Variants in GARNL3 observed in about 807,000 individuals in gnomAD.
The protein encoded by GARNL3 is GTPase-activating Rap/Ran-GAP domain-like protein 3.
A neutral mutation model predicts 125.0 loss-of-function variants in GARNL3; 63 were observed. The observed-to-expected ratio is 0.50, with a 90% CI of 0.41 to 0.62. GARNL3 has a LOEUF of 0.62. GARNL3 is among the 20% of genes least tolerant of loss of function. GARNL3 has a pLI of 0.00. For missense variants in GARNL3, 994 were observed against 1,244.0 expected (o/e 0.80, Z 3.02); for synonymous variants, 439 against 457.5 (o/e 0.96, Z 0.52).
intron 1 of GARNL3, among the ~76,000 whole-genome samples, chr9:127,265,233 T>C (rs1206185229): frequency 3.9e-5 from 6 of 152,240 alleles, no homozygotes; most frequent in Admixed American, 2.0e-4. Context: ...AATCTTGTCT[T>C]CCAGTTTGTT....
chr9:127,229,490 T>G (rs2062966359), intron 1 of GARNL3, among the ~76,000 whole-genome samples: 1 of 152,196 alleles, frequency 6.6e-6, no homozygotes, highest in Non-Finnish European at 1.5e-5. Context: ...TATATCCATT[T>G]TATGTATTTA....
At chr9:127,376,348 AG>A (rs1425923937) in intron 22 of GARNL3, among the ~76,000 whole-genome samples, 1 of 151,904 alleles carries the variant, frequency 6.6e-6, no homozygotes, top group African/African-American at 2.4e-5. Flanking sequence ...CTTCCCGAGT[AG>A]CTGGGACTAC....
At chr9:127,228,832 G>C (rs1489668109) in intron 1 of GARNL3, among the ~76,000 whole-genome samples, 1 of 151,966 alleles carries the variant, frequency 6.6e-6, no homozygotes, top group African/African-American at 2.4e-5. Flanking sequence ...TTGTTTGTTT[G>C]TTTGTTTTTG....
At chr9:127,386,585 C>T (rs913989492) in intron 24 of GARNL3, among the ~76,000 whole-genome samples, 1 of 152,216 alleles carries the variant, frequency 6.6e-6, no homozygotes, top group Admixed American at 6.5e-5. Flanking sequence ...ATAGTAAGCA[C>T]AGTCAAATAA....
intron 1 of GARNL3, among the ~76,000 whole-genome samples, chr9:127,237,001 C>A (rs1452402434): frequency 6.6e-6 from 1 of 152,178 alleles, no homozygotes; most frequent in East Asian, 1.9e-4. Flanking sequence ...AGTTAGTAAT[C>A]TGTTGCAGAC....
intron 2 of GARNL3, among the ~76,000 whole-genome samples, chr9:127,244,103 C>T (rs1395729394): frequency 6.6e-6 from 1 of 152,206 alleles, no homozygotes. Context: ...ATGCCTGAGA[C>T]CTGCCCCTTG....
At chr9:127,318,596 G>A (rs753681185) in intron 5 of GARNL3, among the ~76,000 whole-genome samples, 4 of 151,896 alleles carry the variant, frequency 2.6e-5, no homozygotes, top group Admixed American at 6.6e-5. Context: ...CTTATTCTTC[G>A]CCAGACAGAA....
intron 21 of GARNL3, chr9:127,365,096 T>C (rs1831211717): frequency 3.9e-6 from 2 of 507,860 alleles, no homozygotes; most frequent in South Asian, 6.6e-5. Context: ...TTCTTTCTTT[T>C]TTTTCTTTTC....
rs141092281 is a variant in GARNL3, at chr9:127,333,093, G to A, written c.741G>A (p.Thr247=). Residue 247 remains threonine, a synonymous_variant, in exon 9 of 28, where the codon ACG becomes ACA. Transcript: ENST00000373387. ...ACACAATCACTCTAAAGGGCTGGACGGGCTACCGTGGCGGTCTGGATACCA... is the reference window on the plus strand; with the variant it reads ...ACACAATCACTCTAAAGGGCTGGACAGGCTACCGTGGCGGTCTGGATACCA... ...LGDTITLKGW[T]GYRGGLDTKN... The A allele has an allele frequency of 1.6e-5, 26 of 1,613,860 alleles. No homozygotes were observed. The highest frequency in any genetic ancestry group is 2.2e-5 in the East Asian group (1 of 44,872).
At chr9:127,357,449 A>G (rs1830750246) in intron 21 of GARNL3, 72 bp downstream of exon 21, 4 of 1,422,498 alleles carry the variant, frequency 2.8e-6, no homozygotes, top group South Asian at 1.2e-5. Context: ...TAACCCTGAC[A>G]TGCCATGATT....
intron 18 of GARNL3, 43 bp downstream of exon 18, chr9:127,353,987 C>T (rs1830545670): frequency 7.6e-7 from 1 of 1,323,894 alleles, no homozygotes; most frequent in Middle Eastern, 1.8e-4. Context: ...GGAAGGAAAA[C>T]AGTTGCCTTC....
chr9:127,254,870 C>T (rs529886698), intron 2 of GARNL3, among the ~76,000 whole-genome samples: 1 of 151,812 alleles, frequency 6.6e-6, no homozygotes, highest in African/African-American at 2.4e-5. Flanking sequence ...GAACAGGTAG[C>T]CCAAAAGGCC....
chr9:127,325,199 A>G (rs764052393), intron 7 of GARNL3, 104 bp downstream of exon 7: 3 of 1,119,494 alleles, frequency 2.7e-6, no homozygotes, highest in Middle Eastern at 2.0e-4. Context: ...CCAAATCTCC[A>G]TGTAGATTTG....
At chr9:127,245,941 C>A (rs2063294987) in intron 2 of GARNL3, among the ~76,000 whole-genome samples, 1 of 151,966 alleles carries the variant, frequency 6.6e-6, no homozygotes, top group Non-Finnish European at 1.5e-5. Context: ...TGGCAGCGTC[C>A]ACAGGGCTTC....
At chr9:127,322,920 CTG>C (rs2065446762) in intron 6 of GARNL3, among the ~76,000 whole-genome samples, 1 of 152,196 alleles carries the variant, frequency 6.6e-6, no homozygotes. Context: ...AAAAGGGTAT[CTG>C]TGTGTTTCTT....
At chr9:127,345,220 A>G (rs549120921) in intron 15 of GARNL3, among the ~76,000 whole-genome samples, 183 bp from the exon 16 acceptor site, 98 of 152,224 alleles carry the variant, frequency 6.4e-4, no homozygotes, top group Non-Finnish European at 1.1e-3. Context: ...GGGTTGCGAC[A>G]TTGTCATTAA....
intron 4 of GARNL3, among the ~76,000 whole-genome samples, chr9:127,316,753 A>G (rs1385854483): frequency 1.3e-5 from 2 of 152,112 alleles, no homozygotes; most frequent in African/African-American, 4.8e-5. Flanking sequence ...CCTGGGCTGG[A>G]GAGGGGTGAG....
intron 1 of GARNL3, among the ~76,000 whole-genome samples, chr9:127,226,118 G>A (rs1341132144): frequency 6.6e-6 from 1 of 152,186 alleles, no homozygotes; most frequent in Non-Finnish European, 1.5e-5. Flanking sequence ...CCAGCCGGCC[G>A]CGAAAGAGGT....
chr9:127,373,032 G>A (rs1236620874), intron 22 of GARNL3, among the ~76,000 whole-genome samples: 1 of 152,216 alleles, frequency 6.6e-6, no homozygotes, highest in East Asian at 1.9e-4. Flanking sequence ...TAATTTGTGA[G>A]CCTGATGTCA....
Sources: allele counts gnomAD v4.1 joint callset (sites outside exome capture counted in the v4.1 genomes callset), GRCh38; gene constraint gnomAD v4.1.1; transcripts MANE v1.5; gene names NCBI Gene and HGNC (gene_info 2026-07-23, HGNC 2026-07-21).